Variants in COL14A1 observed in about 807,000 individuals in gnomAD.
COL14A1 encodes the protein collagen alpha-1(XIV) chain.
Under a neutral mutation model 230.3 loss-of-function variants are expected in COL14A1, and 136 were observed. The ratio of observed to expected loss-of-function variants is 0.59; its 90% confidence interval spans 0.51 to 0.68. The LOEUF (loss-of-function observed/expected upper bound fraction) is 0.68, where lower values mean the gene tolerates loss of function less well. Ranked by LOEUF, COL14A1 falls within the 30% of genes least tolerant of loss-of-function variation. The pLI is 0.00. For missense variants in COL14A1, 1,976 were observed against 2,215.8 expected (o/e 0.89, Z 2.17); for synonymous variants, 792 against 784.1 (o/e 1.01, Z -0.17).
At chr8:120,163,596 T>C (rs1341236424) in intron 4 of COL14A1, among the ~76,000 whole-genome samples, 1 of 151,990 alleles carries the variant, frequency 6.6e-6, no homozygotes, top group African/African-American at 2.4e-5. Flanking sequence ...AAACCCTGTC[T>C]CTACTAAAAA....
At chr8:120,221,177 C>G (rs901590658) in intron 14 of COL14A1, among the ~76,000 whole-genome samples, 1 of 152,164 alleles carries the variant, frequency 6.6e-6, no homozygotes, top group African/African-American at 2.4e-5. Context: ...AGTGACTCAG[C>G]AGTAGAGCCT....
At chr8:120,278,368 C>G (rs1285615782) in intron 27 of COL14A1, 67 bp from the exon 28 acceptor site, 1 of 1,562,404 alleles carries the variant, frequency 6.4e-7, no homozygotes, top group Admixed American at 1.9e-5. Flanking sequence ...TTGTTCCCAC[C>G]CTTTCTTCTC....
chr8:120,354,755 G>A (rs1158682983), intron 45 of COL14A1, among the ~76,000 whole-genome samples: 1 of 152,144 alleles, frequency 6.6e-6, no homozygotes, highest in Admixed American at 6.5e-5. Context: ...TGTTGTTCAA[G>A]TTTTCTATCT....
chr8:120,239,226 C>T (rs1332309685), intron 19 of COL14A1, among the ~76,000 whole-genome samples: 1 of 152,188 alleles, frequency 6.6e-6, no homozygotes, highest in Non-Finnish European at 1.5e-5. Flanking sequence ...CTCCAGTATG[C>T]ATCCAGAAGA....
intron 30 of COL14A1, 54 bp from the exon 31 acceptor site, chr8:120,280,867 T>G: frequency 1.4e-6 from 2 of 1,479,532 alleles, no homozygotes; most frequent in Non-Finnish European, 1.8e-6. Flanking sequence ...TTTAAAATTC[T>G]AAAGTGCCAT....
At chr8:120,236,353 C>G (rs1340214663) in intron 19 of COL14A1, among the ~76,000 whole-genome samples, 1 of 151,996 alleles carries the variant, frequency 6.6e-6, no homozygotes, top group African/African-American at 2.4e-5. Flanking sequence ...TGCATTGATC[C>G]CTTTACCATT....
intron 8 of COL14A1, among the ~76,000 whole-genome samples, chr8:120,203,437 C>T (rs971446083): frequency 2.6e-5 from 4 of 151,836 alleles, no homozygotes; most frequent in Non-Finnish European, 4.4e-5. Context: ...CTCGCTCTTC[C>T]CTTTTTTTGC....
chr8:120,202,878 A>T (rs976391704), intron 8 of COL14A1, among the ~76,000 whole-genome samples: 3 of 151,486 alleles, frequency 2.0e-5, no homozygotes, highest in South Asian at 4.2e-4. Context: ...TTCTATTTAC[A>T]TTAGTAAAAT....
intron 5 of COL14A1, among the ~76,000 whole-genome samples, chr8:120,173,921 T>G (rs1816187438): frequency 6.6e-6 from 1 of 152,184 alleles, no homozygotes; most frequent in African/African-American, 2.4e-5. Context: ...ATGTTTGCTT[T>G]TAGTCTAAGG....
chr8:120,142,097 C>A (rs567311798), intron 1 of COL14A1, among the ~76,000 whole-genome samples: 1 of 151,828 alleles, frequency 6.6e-6, no homozygotes, highest in African/African-American at 2.4e-5. Context: ...AAAAGACAAA[C>A]GTGGCCTGTT....
intron 1 of COL14A1, among the ~76,000 whole-genome samples, chr8:120,135,757 A>G (rs1814690623): frequency 6.6e-6 from 1 of 151,786 alleles, no homozygotes. Context: ...GCACTGCTCT[A>G]TTTAGGCTTT....
intron 14 of COL14A1, among the ~76,000 whole-genome samples, chr8:120,222,328 A>T (rs995388401): frequency 2.0e-5 from 3 of 152,244 alleles, no homozygotes; most frequent in African/African-American, 7.2e-5. Flanking sequence ...ATTTTCAATT[A>T]ACCATTGCCG....
chr8:120,314,233 TA>T (rs1252632961), intron 38 of COL14A1, among the ~76,000 whole-genome samples: 1 of 152,180 alleles, frequency 6.6e-6, no homozygotes, highest in Non-Finnish European at 1.5e-5. Flanking sequence ...CATGCATACT[TA>T]TTGGAGGTAG....
At chr8:120,356,286 G>A (rs553210626) in intron 45 of COL14A1, among the ~76,000 whole-genome samples, 15 of 152,324 alleles carry the variant, frequency 9.8e-5, no homozygotes, top group Middle Eastern at 3.4e-3. Context: ...GTTAGGTGAG[G>A]AAACTGAGGC....
chr8:120,209,655 C>T lies in COL14A1; in HGVS notation c.1322-101C>T. On this transcript the variant is annotated intron_variant, in intron 11 of 47. Transcript: ENST00000297848. ...TGCAATTTATTCTTAATCCCTTTCT[C>T]CCTTCCCCTCAAATATGGTCAATCT... 6.7e-6 allele frequency: 8 copies of T among 1,196,522 alleles called. No individual in the cohort carries two copies. The South Asian group carries it at 1.1e-4, about 16-fold the overall frequency. 74.1% of individuals were successfully genotyped at this position (1,196,522 alleles called of 1,614,324 possible). A position where few individuals can be genotyped will look rare whatever the true frequency, so the allele number is the denominator to read the frequency against.
chr8:120,159,455 A>G (rs1398976262), intron 3 of COL14A1, among the ~76,000 whole-genome samples: 1 of 152,116 alleles, frequency 6.6e-6, no homozygotes, highest in Non-Finnish European at 1.5e-5. Flanking sequence ...ATATATATTT[A>G]TGTAAACATA....
At chr8:120,162,715 A>C in intron 4 of COL14A1, 146 bp downstream of exon 4, 1 of 591,972 alleles carries the variant, frequency 1.7e-6, no homozygotes. Flanking sequence ...ACCTTCAACG[A>C]ATTCCTCTGA....
intron 8 of COL14A1, among the ~76,000 whole-genome samples, chr8:120,200,370 A>G (rs1489465159): frequency 2.6e-5 from 4 of 152,008 alleles, no homozygotes; most frequent in Non-Finnish European, 5.9e-5. Context: ...AAATGCATTT[A>G]TCTTTCTGCA....
In COL14A1 at chr8:120,168,254, G is replaced by T. The variant is rs1815978122; in HGVS notation, c.436+7G>T. 6.3e-7 allele frequency: 1 copy of T among 1,599,128 alleles called. No homozygotes were observed. The highest frequency in any genetic ancestry group is 1.3e-5 in the African/African-American group (1 of 74,358). ...AGACCATCTTCACCAGAAGGTCAGA[G>T]ACGATTTTAATTAACTCATATTGGG... On this transcript the variant is annotated splice_region_variant and intron_variant, in intron 5 of 47. Transcript: ENST00000297848.
Sources: allele counts gnomAD v4.1 joint callset (sites outside exome capture counted in the v4.1 genomes callset), GRCh38; gene constraint gnomAD v4.1.1; transcripts MANE v1.5; gene names NCBI Gene and HGNC (gene_info 2026-07-23, HGNC 2026-07-21).